TTC7A: variants seen among roughly 807,000 people sequenced by gnomAD.
The protein encoded by TTC7A is tetratricopeptide repeat domain 7A, also known as tetratricopeptide repeat protein 7A.
In TTC7A, 110 loss-of-function variants were observed where a neutral mutation model predicts 103.7. The observed-to-expected ratio is 1.06, with a 90% confidence interval of 0.91 to 1.24. The LOEUF (loss-of-function observed/expected upper bound fraction) is 1.24, where lower values mean the gene tolerates loss of function less well. TTC7A is among the 50% of genes most tolerant of loss of function. TTC7A has a pLI of 0.00. For synonymous variants in TTC7A, 521 were observed against 467.9 expected (o/e 1.11, Z -1.47); for missense variants, 1,340 against 1,116.3 (o/e 1.20, Z -2.86).
At chr2:47,025,396 G>T (rs961824317) in intron 14 of TTC7A, among the ~76,000 whole-genome samples, 9 of 152,306 alleles carry the variant, frequency 5.9e-5, no homozygotes, top group Middle Eastern at 3.4e-3. Flanking sequence ...TGACCCTTTT[G>T]GAGTTGGGGC....
chr2:46,928,778 A>T (rs1222105720), intron 2 of TTC7A, among the ~76,000 whole-genome samples: 3 of 151,542 alleles, frequency 2.0e-5, no homozygotes, highest in Non-Finnish European at 4.4e-5. Flanking sequence ...AGAAAAAAAA[A>T]AAGTCCCACG....
upstream of TTC7A, among the ~76,000 whole-genome samples, chr2:46,936,533 C>CCACAGGATA (rs1669987581): frequency 6.6e-6 from 1 of 152,148 alleles, no homozygotes; most frequent in Non-Finnish European, 1.5e-5. Flanking sequence ...GGGTCCTGAG[C>CCACAGGATA]CACAGGATAC....
At chr2:47,072,821 C>G (rs1016441014) in intron 19 of TTC7A, among the ~76,000 whole-genome samples, 1 of 149,946 alleles carries the variant, frequency 6.7e-6, no homozygotes, top group Non-Finnish European at 1.5e-5. Context: ...GCCCTGCCCT[C>G]TCCCTCCACT....
chr2:47,061,062 T>G lies in TTC7A; in HGVS notation c.2355+91T>G. The G allele has an allele frequency of 2.3e-6, 3 of 1,287,536 alleles. No individual in the cohort carries two copies. In the East Asian group the frequency reaches 7.7e-5, roughly 33 times the overall value. The allele number at this position is 1,287,536 out of a possible 1,614,324, so 79.8% of individuals were successfully genotyped here. On this transcript the variant is annotated intron_variant, in intron 19 of 19. Coordinates refer to ENST00000319190, the MANE Select transcript of TTC7A (RefSeq NM_020458.4). Reference sequence around the variant, plus strand: ...GTCCCTCCTTGTCCCCATACTCCACTGCCTGCCTGTGCCTTGCTACTGCTG... The same window carrying G: ...GTCCCTCCTTGTCCCCATACTCCACGGCCTGCCTGTGCCTTGCTACTGCTG...
chr2:47,035,917 A>G (rs1681052053), intron 15 of TTC7A, among the ~76,000 whole-genome samples: 1 of 152,202 alleles, frequency 6.6e-6, no homozygotes, highest in African/African-American at 2.4e-5. Flanking sequence ...CACAGGGCAG[A>G]GAGACCAAGG....
rs1442721592 is a variant in TTC7A, at chr2:47,067,674, T to A, written c.2356-6028T>A. On this transcript the variant is annotated intron_variant, in intron 19 of 19. Transcript: ENST00000319190. ...ACTTTGCCTTCACTCACTGACCAGG[T>A]TCTGTAACCTCTCAGAACTTCAGTG... The A allele has an allele frequency of 8.5e-5, 13 of 152,350 alleles. No homozygotes were observed. In the East Asian group the frequency reaches 2.5e-3, roughly 29 times the overall value. 9.4% of individuals were successfully genotyped at this position (152,350 alleles called of 1,614,324 possible). A position where few individuals can be genotyped will look rare whatever the true frequency, so the allele number is the denominator to read the frequency against.
chr2:47,006,194 T>TGACCTA, intron 9 of TTC7A, 135 bp downstream of exon 9: 1 of 1,222,242 alleles, frequency 8.2e-7, no homozygotes, highest in Non-Finnish European at 1.1e-6. Flanking sequence ...CTCGGCAAGT[T>TGACCTA]GTACAAGTCT....
rs772047983 is a variant in TTC7A, at chr2:47,006,741, G to T, written c.1287+17G>T. ...TGTGGGAAGGTAAGGCCCAGGGGGCGCTAGGGGTTGCACACTCACCCGCAG... is the reference window on the plus strand; with the variant it reads ...TGTGGGAAGGTAAGGCCCAGGGGGCTCTAGGGGTTGCACACTCACCCGCAG... On this transcript the variant is annotated intron_variant, in intron 10 of 19. Transcript: ENST00000319190. The T allele has an allele frequency of 2.5e-6, 4 of 1,593,432 alleles. No individual in the cohort carries two copies. The highest frequency in any genetic ancestry group is 2.2e-5 in the East Asian group (1 of 44,792).
At chr2:47,031,082 G>C (rs886457008) in intron 15 of TTC7A, among the ~76,000 whole-genome samples, 2 of 152,134 alleles carry the variant, frequency 1.3e-5, no homozygotes, top group Admixed American at 6.5e-5. Context: ...GGGAGGCAGG[G>C]GTTGCAGTGA....
intron 19 of TTC7A, among the ~76,000 whole-genome samples, chr2:47,070,494 TAAC>T (rs778051426): frequency 1.7e-4 from 26 of 152,250 alleles, no homozygotes; most frequent in South Asian, 4.1e-4. Flanking sequence ...CTTTGGGGAA[TAAC>T]AAAGCAGGCA....
intron 9 of TTC7A, among the ~76,000 whole-genome samples, chr2:47,006,413 G>A (rs1677392273): frequency 1.3e-5 from 2 of 152,234 alleles, no homozygotes; most frequent in African/African-American, 4.8e-5. Context: ...TCATTCACAT[G>A]TTAAGGAGGT....
chr2:47,069,114 C>T (rs948960662), intron 19 of TTC7A, among the ~76,000 whole-genome samples: 8 of 152,096 alleles, frequency 5.3e-5, no homozygotes, highest in Non-Finnish European at 1.2e-4. Flanking sequence ...GAGGGCTGGG[C>T]CAGGCAGTGC....
At chr2:47,071,626 C>T (rs558628103) in intron 19 of TTC7A, among the ~76,000 whole-genome samples, 7 of 152,322 alleles carry the variant, frequency 4.6e-5, no homozygotes, top group Non-Finnish European at 8.8e-5. Context: ...CAGCACTTGT[C>T]AGTGGCAGAG....
At position 47,073,846 on chromosome 2, in the gene TTC7A, G is replaced by T. The variant is rs1458273923; in HGVS notation, c.2500G>T (p.Asp834Tyr). Reference protein sequence around the residue: ...QAQGQNEAAVDCFLTALELEA... With the variant: ...QAQGQNEAAVYCFLTALELEA... ...CCAGGGCCAGAACGAGGCTGCCGTT[G>T]ACTGCTTCCTCACCGCCCTTGAGCT... The change falls in exon 20 of 20, where the codon GAC (aspartate) becomes TAC (tyrosine). Residue 834 changes from aspartate (D) to tyrosine (Y), a missense_variant. Physicochemically the swap from Asp to Tyr is radical, Grantham distance 160. Coordinates refer to ENST00000319190, the MANE Select transcript of TTC7A (RefSeq NM_020458.4). 6.2e-7 allele frequency: 1 copy of T among 1,613,816 alleles called. No homozygotes were observed. Among genetic ancestry groups the T allele is most frequent in the Admixed American group, 1.7e-5 (1 of 60,022 alleles).
intron 11 of TTC7A, among the ~76,000 whole-genome samples, chr2:47,013,590 C>T (rs1047335223): frequency 3.3e-5 from 5 of 152,340 alleles, no homozygotes; most frequent in Admixed American, 6.5e-5. Flanking sequence ...ACCCAGCCAA[C>T]GGCCGCCCTT....
At chr2:47,014,581 C>T (rs1218304135) in intron 11 of TTC7A, among the ~76,000 whole-genome samples, 1 of 152,234 alleles carries the variant, frequency 6.6e-6, no homozygotes, top group African/African-American at 2.4e-5. Context: ...GTTCCTGAGG[C>T]TCACAGTGAA....
At chr2:46,933,697 G>A (rs73926967) in intron 2 of TTC7A, among the ~76,000 whole-genome samples, 8,749 of 152,336 alleles carry the variant, frequency 0.057, 309 homozygotes, top group African/African-American at 0.09. Context: ...ACTACATAAA[G>A]TTGGGAAGGC....
At chr2:46,980,287 A>G (rs1318029728) in intron 5 of TTC7A, among the ~76,000 whole-genome samples, 1 of 143,048 alleles carries the variant, frequency 7.0e-6, no homozygotes, top group African/African-American at 2.6e-5. Flanking sequence ...TGGTGTGATC[A>G]TGGCTCACTG....
At chr2:46,965,824 G>A (rs28694585) in intron 3 of TTC7A, among the ~76,000 whole-genome samples, 103,797 of 151,504 alleles carry the variant, frequency 0.69, 35,886 homozygotes, top group Middle Eastern at 0.74. Context: ...CAGCCTCCAG[G>A]AGTACTGGAG....
Sources: gnomAD v4.1 joint callset for allele counts (sites outside exome capture counted in the v4.1 genomes callset) on GRCh38, gnomAD v4.1.1 for gene constraint, MANE v1.5 for transcripts, NCBI Gene and HGNC (gene_info 2026-07-23, HGNC 2026-07-21) for gene names.